The following C9orf72 variants were observed in gnomAD, a reference collection of about 807,000 sequenced individuals.
The protein encoded by C9orf72 is guanine nucleotide exchange factor C9orf72.
Under a neutral mutation model 51.6 loss-of-function variants are expected in C9orf72, and 44 were observed. The observed-to-expected ratio is 0.85, with a 90% CI of 0.67 to 1.10. The LOEUF is 1.10. C9orf72 is among the 50% of genes least tolerant of loss of function. The pLI is 0.00. For missense variants in C9orf72, 607 were observed against 570.6 expected (o/e 1.06, Z -0.65); for synonymous variants, 213 against 194.2 (o/e 1.10, Z -0.81).
chr9:27,566,744 G>A lies in C9orf72; in HGVS notation c.377C>T (p.Pro126Leu). The A allele has an allele frequency of 1.2e-6, 2 of 1,613,714 alleles. No individual in the cohort carries two copies. The highest frequency in any genetic ancestry group is 1.7e-6 in the Non-Finnish European group (2 of 1,179,704). Residue 126 changes from proline to leucine, a missense_variant, in exon 2 of 11, where the codon CCA becomes CTA. Physicochemically the swap from Pro to Leu is moderately conservative, Grantham distance 98 (BLOSUM62 -3). Coordinates refer to ENST00000380003, the MANE Select transcript of C9orf72 (RefSeq NM_018325.5). The stretch of plus-strand genomic sequence containing the variant: ...TCTATCAACACACACTCTATGAAGT[G>A]GGAGGTAGAAACTAAGTTCTGTCTG... ...LPQTELSFYL[P>L]LHRVCVDRLT...
chr9:27,558,610 A>T lies in C9orf72; in HGVS notation c.739-3T>A. 1 of 1,452,600 alleles carries T rather than the reference A, an allele frequency of 6.9e-7. No individual in the cohort carries two copies. Among genetic ancestry groups the T allele is most frequent in the Non-Finnish European group, 9.5e-7 (1 of 1,056,604 alleles). 90.0% of individuals were successfully genotyped at this position (1,452,600 alleles called of 1,614,324 possible). On this transcript the variant is annotated splice_region_variant and splice_polypyrimidine_tract_variant and intron_variant, in intron 6 of 10. Coordinates refer to ENST00000380003, the MANE Select transcript of C9orf72 (RefSeq NM_018325.5). ...AAAAGGCATAATGTTCTGACTATCT[A>T]TAAAAGAAAATATTTTAGCATTAAA...
chr9:27,572,266 AC>A (rs1468240369), intron 1 of C9orf72, among the ~76,000 whole-genome samples: 1 of 152,194 alleles, frequency 6.6e-6, no homozygotes, highest in African/African-American at 2.4e-5. Context: ...GCAGTTTCCA[AC>A]TGATTCAGGG....
rs796847568 is a variant in C9orf72, at chr9:27,548,173, C to G, written c.*63G>C. 3.8e-6 allele frequency: 5 copies of G among 1,301,238 alleles called. No homozygotes were observed. Among genetic ancestry groups the G allele is most frequent in the African/African-American group, 1.5e-5 (1 of 66,486 alleles). 80.6% of individuals were successfully genotyped at this position (1,301,238 alleles called of 1,614,324 possible). ...TATGATCCAGGGGAACGTTTCCCCACACCACTGAGCTACTTTACCAGCGAT... is the reference window on the plus strand; with the variant it reads ...TATGATCCAGGGGAACGTTTCCCCAGACCACTGAGCTACTTTACCAGCGAT... On this transcript the variant is annotated 3_prime_UTR_variant, in exon 11 of 11. Coordinates refer to ENST00000380003, the MANE Select transcript of C9orf72 (RefSeq NM_018325.5).
chr9:27,551,375 CACAA>C (rs1188264243), intron 8 of C9orf72, among the ~76,000 whole-genome samples: 1 of 152,218 alleles, frequency 6.6e-6, no homozygotes, highest in South Asian at 2.1e-4. Context: ...AAAGCAAACA[CACAA>C]ACAAACAGGA....
In C9orf72 at chr9:27,566,910, T is replaced by C; in HGVS notation, c.211A>G (p.Ile71Val). 1.9e-6 allele frequency: 3 copies of C among 1,614,056 alleles called. No individual in the cohort carries two copies. The highest frequency in any genetic ancestry group is 2.5e-6 in the Non-Finnish European group (3 of 1,179,914). ...FLANHTLNGE[I>V]LRNAESGAID... is the part of the protein sequence containing the mutation. Reference sequence around the variant, plus strand: ...GCACCACTCTCTGCATTTCGAAGGATTTCTCCATTTAGAGTGTGGTTGGCA... The same window carrying C: ...GCACCACTCTCTGCATTTCGAAGGACTTCTCCATTTAGAGTGTGGTTGGCA... The change falls in exon 2 of 11, where the codon ATC becomes GTC. Residue 71 changes from isoleucine (I) to valine (V), a missense_variant. Coordinates refer to ENST00000380003, the MANE Select transcript of C9orf72 (RefSeq NM_018325.5).
Position 27,556,627 on chromosome 9 carries a change from G to T in C9orf72, c.1025C>A (p.Ala342Asp). Residue 342 changes from alanine to aspartate, a missense_variant, in exon 8 of 11, where the codon GCC becomes GAC. By Grantham distance (126) the Ala-to-Asp change is moderately radical. Transcript: ENST00000380003. ...CTGAGCCATGTCTTCTTCTGAAGTG[G>T]CTCTCCAGAAGGCTGTCAGCTCGGA... is the stretch of plus-strand genomic sequence containing the variant. ...MRSELTAFWR[A>D]TSEEDMAQDT... The T allele has an allele frequency of 6.2e-7, 1 of 1,613,866 alleles. No homozygotes were observed. Among genetic ancestry groups the T allele is most frequent in the Non-Finnish European group, 8.5e-7 (1 of 1,179,848 alleles).
At chr9:27,573,085 C>T (rs112048460) in intron 1 of C9orf72, among the ~76,000 whole-genome samples, 3,301 of 152,246 alleles carry the variant, frequency 0.022, 58 homozygotes, top group Middle Eastern at 0.048. Context: ...CCTCTCAGTA[C>T]CCGAGGCTCC....
chr9:27,558,739 C>G (rs1430508776), intron 6 of C9orf72, 132 bp from the exon 7 acceptor site: 1 of 556,624 alleles, frequency 1.8e-6, no homozygotes, highest in Non-Finnish European at 3.1e-6. Context: ...CTTTAGTCAC[C>G]TGGAATCCAT....
At chr9:27,554,884 C>A (rs1391805286) in intron 8 of C9orf72, among the ~76,000 whole-genome samples, 3 of 152,030 alleles carry the variant, frequency 2.0e-5, no homozygotes, top group Non-Finnish European at 4.4e-5. Flanking sequence ...ATTATTTTGT[C>A]ATGATCAGCA....
chr9:27,556,314 T>C (rs1449284815), intron 8 of C9orf72: 1 of 558,844 alleles, frequency 1.8e-6, no homozygotes, highest in African/African-American at 1.9e-5. Flanking sequence ...GAGCTCAATA[T>C]ATATTTATTA....
intron 5 of C9orf72, chr9:27,560,539 A>G: frequency 1.5e-6 from 1 of 686,962 alleles, no homozygotes; most frequent in Non-Finnish European, 1.9e-6. Flanking sequence ...AATATCATTT[A>G]ATTAATGTAT....
intron 7 of C9orf72, among the ~76,000 whole-genome samples, chr9:27,558,030 A>G (rs1819244955): frequency 6.7e-6 from 1 of 150,284 alleles, no homozygotes. Flanking sequence ...AGTAGACTCA[A>G]ATAAAAGAAA....
At chr9:27,553,821 T>A (rs966936575) in intron 8 of C9orf72, among the ~76,000 whole-genome samples, 2 of 152,126 alleles carry the variant, frequency 1.3e-5, no homozygotes, top group Non-Finnish European at 2.9e-5. Flanking sequence ...ATATGCAGAA[T>A]CTGGAAGGAA....
At chr9:27,570,844 G>C (rs776836551) in intron 1 of C9orf72, among the ~76,000 whole-genome samples, 1 of 151,986 alleles carries the variant, frequency 6.6e-6, no homozygotes, top group Non-Finnish European at 1.5e-5. Flanking sequence ...ACTCCAGCCT[G>C]GGCGACAGAG....
chr9:27,549,776 CAA>C (rs35362390), intron 9 of C9orf72, among the ~76,000 whole-genome samples: 60 of 136,730 alleles, frequency 4.4e-4, no homozygotes, highest in East Asian at 4.1e-3. Context: ...CTCCCTTTCT[CAA>C]AAAAAAAAAA....
chr9:27,569,397 C>T (rs527541491), intron 1 of C9orf72, among the ~76,000 whole-genome samples: 5 of 152,306 alleles, frequency 3.3e-5, no homozygotes, highest in South Asian at 2.1e-4. Context: ...AAGCTCCATT[C>T]GTGGTAAGTG....
In C9orf72 at chr9:27,558,593, T is replaced by A; in HGVS notation, c.753A>T (p.Leu251Phe). ...TCTCTGCTGGAGTCAGAAAAAGGCA[T>A]AATGTTCTGACTATCTATAAAAGAA... Reference protein sequence around the residue: ...AEKVNKIVRTLCLFLTPAERK... With the variant: ...AEKVNKIVRTFCLFLTPAERK... The change falls in exon 7 of 11, where the codon TTA becomes TTT. Residue 251 changes from leucine (L) to phenylalanine (F), a missense_variant. Transcript: ENST00000380003. 1 of 1,579,174 alleles carries A rather than the reference T, an allele frequency of 6.3e-7. No individual in the cohort carries two copies. Among genetic ancestry groups the A allele is most frequent in the Non-Finnish European group, 8.6e-7 (1 of 1,156,732 alleles).
chr9:27,557,910 TG>T (rs1819242624), intron 7 of C9orf72, among the ~76,000 whole-genome samples: 1 of 151,896 alleles, frequency 6.6e-6, no homozygotes, highest in African/African-American at 2.4e-5. Context: ...CTTCACGTCT[TG>T]GGACTATAAT....
At chr9:27,558,781 TTCTGTGGTCAAATAAA>T in intron 6 of C9orf72, 174 bp from the exon 7 acceptor site, 1 of 483,818 alleles carries the variant, frequency 2.1e-6, no homozygotes, top group South Asian at 2.9e-5. Context: ...AAAATAGGGA[TTCTGTGGTCAAATAAA>T]TTTAGAAAAT....
Sources: allele counts gnomAD v4.1 joint callset (sites outside exome capture counted in the v4.1 genomes callset), GRCh38; gene constraint gnomAD v4.1.1; transcripts MANE v1.5; gene names NCBI Gene and HGNC (gene_info 2026-07-23, HGNC 2026-07-21).